The following ZSCAN18 variants were observed in gnomAD, a reference collection of about 807,000 sequenced individuals.
ZSCAN18 encodes zinc finger and SCAN domain containing 18.
Under a neutral mutation model 31.1 loss-of-function variants are expected in ZSCAN18, and 16 were observed. The observed-to-expected ratio is 0.51, with a 90% CI of 0.35 to 0.78. The LOEUF is 0.78. Among genes scored for constraint, ZSCAN18 ranks in the 30% least tolerant of loss-of-function variants. The pLI, the probability that ZSCAN18 is intolerant of heterozygous loss-of-function variation, is 0.01. For synonymous variants in ZSCAN18, 375 were observed against 320.7 expected (o/e 1.17, Z -1.81); for missense variants, 731 against 697.4 (o/e 1.05, Z -0.54).
chr19:58,086,508 T>C (rs1285350124), intron 5 of ZSCAN18: 9 of 497,992 alleles, frequency 1.8e-5, no homozygotes, highest in Non-Finnish European at 2.9e-5. Flanking sequence ...AAGAAAGACA[T>C]TGACAAAAAT....
At chr19:58,102,307 A>C (rs762870496), upstream of ZSCAN18, among the ~76,000 whole-genome samples, 2 of 152,062 alleles carry the variant, frequency 1.3e-5, no homozygotes, top group Non-Finnish European at 2.9e-5. Context: ...GAAAATACAA[A>C]AAAATTAGCC....
At chr19:58,115,135 C>T (rs1257716759) in intron 1 of ZSCAN18, among the ~76,000 whole-genome samples, 3 of 152,208 alleles carry the variant, frequency 2.0e-5, no homozygotes, top group African/African-American at 4.8e-5. Flanking sequence ...CTATCCAAAG[C>T]ACTCACAGGT....
chr19:58,089,769 C>CTTAA, intron 2 of ZSCAN18, 96 bp downstream of exon 2: 1 of 1,460,696 alleles, frequency 6.8e-7, no homozygotes, highest in Non-Finnish European at 9.2e-7. Flanking sequence ...GTGTGGGGAA[C>CTTAA]TTAACTATCT....
chr19:58,094,684 C>G (rs1269597476), intron 1 of ZSCAN18, among the ~76,000 whole-genome samples: 1 of 151,140 alleles, frequency 6.6e-6, no homozygotes, highest in African/African-American at 2.4e-5. Context: ...TCAAGAACAG[C>G]CTGGGCAACA....
chr19:58,112,473 ACC>A (rs1409993525), intron 1 of ZSCAN18, among the ~76,000 whole-genome samples: 2 of 151,802 alleles, frequency 1.3e-5, no homozygotes, highest in Non-Finnish European at 2.9e-5. Flanking sequence ...ACACAGTGAA[ACC>A]CCGTCTCCAC....
At chr19:58,107,993 A>G (rs574384489) in intron 1 of ZSCAN18, 18 of 1,039,414 alleles carry the variant, frequency 1.7e-5, no homozygotes, top group Admixed American at 1.0e-4. Context: ...AAAGTTTGAC[A>G]CTGGTTACAG....
chr19:58,084,860 C>G lies in ZSCAN18; in HGVS notation c.1358G>C (p.Ser453Thr). ...CTTCTGGTGCTCGGCTAGGGCCAGGCTGAAGTGGAAGGTCTTCCAGCAGCC... is the reference window on the plus strand; with the variant it reads ...CTTCTGGTGCTCGGCTAGGGCCAGGGTGAAGTGGAAGGTCTTCCAGCAGCC... ...CQGCWKTFHF[S>T]LALAEHQKTH... The change falls in exon 7 of 7, where the codon AGC becomes ACC. Residue 453 changes from serine to threonine, a missense_variant. By Grantham distance (58) the Ser-to-Thr change is moderately conservative. Coordinates refer to ENST00000601144, the MANE Select transcript of ZSCAN18 (RefSeq NM_001145543.2). This position sits in a 1 kb window ranked among gnomAD's most constrained non-coding sequence, Gnocchi z 4.5. 1 of 1,600,690 alleles carries G rather than the reference C, an allele frequency of 6.2e-7. No individual in the cohort carries two copies.
intron 1 of ZSCAN18, among the ~76,000 whole-genome samples, chr19:58,117,269 T>C (rs1306966520): frequency 6.7e-6 from 1 of 149,706 alleles, no homozygotes; most frequent in Admixed American, 6.7e-5. Flanking sequence ...TGGGGGAGAG[T>C]AGATGCTCAG....
At chr19:58,098,347 C>T (rs1199784009), upstream of ZSCAN18, 5 of 985,378 alleles carry the variant, frequency 5.1e-6, no homozygotes, top group Non-Finnish European at 3.6e-6. Context: ...TGACAGTGCG[C>T]ATGGCCAATC....
upstream of ZSCAN18, among the ~76,000 whole-genome samples, chr19:58,103,213 T>C (rs781736579): frequency 1.3e-5 from 2 of 152,238 alleles, no homozygotes; most frequent in African/African-American, 2.4e-5. Flanking sequence ...TGGCAAGATA[T>C]GTATCACAGA....
upstream of ZSCAN18, among the ~76,000 whole-genome samples, chr19:58,101,277 C>T (rs373640913): frequency 1.4e-3 from 212 of 150,532 alleles, 2 homozygotes; most frequent in African/African-American, 4.9e-3. Context: ...GGACTACAGG[C>T]GCCCGCCACC....
At chr19:58,108,470 G>C (rs2074653430) in intron 1 of ZSCAN18, 2 of 985,540 alleles carry the variant, frequency 2.0e-6, no homozygotes, top group African/African-American at 1.7e-5. Context: ...TGGTAAAGGT[G>C]GAGCCAGCAC....
chr19:58,086,365 C>T, intron 5 of ZSCAN18, 99 bp from the exon 6 acceptor site: 1 of 1,025,424 alleles, frequency 9.8e-7, no homozygotes, highest in Non-Finnish European at 1.5e-6. Flanking sequence ...TGCAGCCCAC[C>T]TCCTCTTCTC....
Position 58,084,904 on chromosome 19 carries a change from C to A in ZSCAN18, c.1314G>T (p.Arg438=). ...AGCAGCCCTGACAGGCGTAGCGCTT[C>A]CGGCCGCCATGGCTGCTGTGGTGCT... is the stretch of plus-strand genomic sequence containing the variant. ...LMEHHSSHGG[R]KRYACQGCWK... The change falls in exon 7 of 7, where the codon CGG becomes CGT. Residue 438 remains arginine, a synonymous_variant. Transcript: ENST00000601144. This position sits in a 1 kb window ranked among gnomAD's most constrained non-coding sequence, Gnocchi z 4.5. 6.3e-7 allele frequency: 1 copy of A among 1,593,898 alleles called. No homozygotes were observed. Among genetic ancestry groups the A allele is most frequent in the Non-Finnish European group, 8.5e-7 (1 of 1,172,224 alleles).
At chr19:58,101,221 C>T (rs557006129), upstream of ZSCAN18, among the ~76,000 whole-genome samples, 455 of 151,694 alleles carry the variant, frequency 3.0e-3, 1 homozygote, top group Non-Finnish European at 5.0e-3. Flanking sequence ...CAAGCTCCAC[C>T]TCCCGGGTTC....
At chr19:58,117,866 G>A (rs2146034511) in intron 1 of ZSCAN18, among the ~76,000 whole-genome samples, 1 of 152,208 alleles carries the variant, frequency 6.6e-6, no homozygotes, top group South Asian at 2.1e-4. Flanking sequence ...GAGAGTTAGA[G>A]GGTCCGTGCT....
At chr19:58,104,818 AAGC>A (rs1288198815) in intron 1 of ZSCAN18, among the ~76,000 whole-genome samples, 1 of 152,242 alleles carries the variant, frequency 6.6e-6, no homozygotes, top group Non-Finnish European at 1.5e-5. Context: ...GTGCAAGGTG[AAGC>A]AGCAAGTGCT....
At chr19:58,111,697 A>G (rs947167707) in intron 1 of ZSCAN18, among the ~76,000 whole-genome samples, 3 of 152,092 alleles carry the variant, frequency 2.0e-5, no homozygotes, top group African/African-American at 7.2e-5. Context: ...ATTAATACCA[A>G]TTCCTCTCAG....
chr19:58,099,842 ACAAGTT>A (rs749607428), upstream of ZSCAN18, among the ~76,000 whole-genome samples: 16 of 152,188 alleles, frequency 1.1e-4, no homozygotes, highest in Non-Finnish European at 2.4e-4. Context: ...TTAATTGCTA[ACAAGTT>A]TGAGCACACT....
Sources: gnomAD v4.1 joint callset for allele counts (sites outside exome capture counted in the v4.1 genomes callset) on GRCh38, gnomAD v4.1.1 for gene constraint, Gnocchi (gnomAD v3.1) non-coding constraint, MANE v1.5 for transcripts, NCBI Gene and HGNC (gene_info 2026-07-23, HGNC 2026-07-21) for gene names.